The following NRXN1 variants were observed in gnomAD, a reference collection of about 807,000 sequenced individuals.
The protein encoded by NRXN1 is neurexin 1, also known as neurexin-1.
A neutral mutation model predicts 150.9 loss-of-function variants in NRXN1; 39 were observed. The ratio of observed to expected loss-of-function variants is 0.26; its 90% CI spans 0.20 to 0.34. NRXN1 has a LOEUF of 0.34. Among genes scored for constraint, NRXN1 ranks in the 10% least tolerant of loss-of-function variants. The pLI, the probability that NRXN1 is intolerant of heterozygous loss-of-function variation, is 1.00. For missense variants in NRXN1, 1,815 were observed against 1,949.9 expected (o/e 0.93, Z 1.30); for synonymous variants, 924 against 757.0 (o/e 1.22, Z -3.62).
At chr2:50,746,026 T>G (rs1559202315) in intron 5 of NRXN1, among the ~76,000 whole-genome samples, 1 of 152,166 alleles carries the variant, frequency 6.6e-6, no homozygotes. Context: ...CATAGCAGCA[T>G]CTAGCAGTGA....
intron 5 of NRXN1, among the ~76,000 whole-genome samples, chr2:50,816,769 C>T (rs1320323922): frequency 6.6e-6 from 1 of 152,066 alleles, no homozygotes; most frequent in Non-Finnish European, 1.5e-5. Context: ...CTGTATCCTA[C>T]GGAGAGCCTG....
intron 17 of NRXN1, among the ~76,000 whole-genome samples, chr2:50,398,834 T>C (rs1193987861): frequency 6.6e-6 from 1 of 152,176 alleles, no homozygotes; most frequent in African/African-American, 2.4e-5. Flanking sequence ...AAAAGTGGTA[T>C]GCTATTTAAT....
chr2:50,026,930 G>T (rs1185145850), intron 21 of NRXN1, among the ~76,000 whole-genome samples: 18 of 125,784 alleles, frequency 1.4e-4, no homozygotes, highest in African/African-American at 5.6e-4. Flanking sequence ...ACCCAGGCTG[G>T]AGTGCCAGTG....
chr2:50,123,399 A>G (rs763204228), intron 18 of NRXN1, among the ~76,000 whole-genome samples: 81 of 152,202 alleles, frequency 5.3e-4, no homozygotes, highest in Non-Finnish European at 7.6e-4. Flanking sequence ...GTGAAAGCAA[A>G]CATGGTATTT....
intron 5 of NRXN1, among the ~76,000 whole-genome samples, chr2:50,689,713 G>C (rs967361776): frequency 6.6e-6 from 1 of 152,070 alleles, no homozygotes; most frequent in African/African-American, 2.4e-5. Flanking sequence ...GTCCAATGTA[G>C]GAAACAAATT....
chr2:50,342,979 GTC>G, intron 17 of NRXN1, among the ~76,000 whole-genome samples: 2 of 152,336 alleles, frequency 1.3e-5, no homozygotes, highest in South Asian at 4.1e-4. Context: ...TACTGAAAGT[GTC>G]TCAGAAACAG....
chr2:50,422,137 A>C (rs561950488), intron 17 of NRXN1, among the ~76,000 whole-genome samples: 2 of 152,208 alleles, frequency 1.3e-5, no homozygotes, highest in Admixed American at 6.6e-5. Flanking sequence ...GCTATAAAAT[A>C]AAAAGTATAA....
Position 51,027,608 on chromosome 2 carries a change from C to A in NRXN1, c.666G>T (p.Glu222Asp). 6.3e-7 allele frequency: 1 copy of A among 1,594,956 alleles called. No homozygotes were observed. Among genetic ancestry groups the A allele is most frequent in the Non-Finnish European group, 8.5e-7 (1 of 1,171,066 alleles). The change falls in exon 2 of 23, where the codon GAG becomes GAT. Residue 222 changes from glutamate to aspartate, a missense_variant. Around this residue, in one of 6 missense-constraint regions of NRXN1, gnomAD observed 554 missense variants for 478.8 expected, o/e 1.16. Transcript: ENST00000401669. The stretch of plus-strand genomic sequence containing the variant: ...CGTTGAGGCACACCCCGCCCTCGCC[C>A]TCCTCGCCCGCCTCGCACGGGCTTC... ...GGGSPCEAGE[E>D]GEGGVCLNGG...
intron 2 of NRXN1, among the ~76,000 whole-genome samples, chr2:51,008,501 TGA>T (rs1353272032): frequency 6.6e-6 from 1 of 151,920 alleles, no homozygotes; most frequent in African/African-American, 2.4e-5. Flanking sequence ...GAGAATTAAG[TGA>T]GATAATAATC....
chr2:49,998,468 A>G (rs1378988776), intron 21 of NRXN1, among the ~76,000 whole-genome samples: 1 of 152,132 alleles, frequency 6.6e-6, no homozygotes, highest in East Asian at 1.9e-4. Flanking sequence ...ATATTTTTTT[A>G]GAAACGTCAA....
Position 50,752,205 on chromosome 2 carries a change from CA to C in NRXN1, c.833-128591del, listed in dbSNP as rs796474186. On this transcript the variant is annotated intron_variant, in intron 5 of 22. Transcript: ENST00000401669. The stretch of plus-strand genomic sequence containing the variant: ...AGTGGGTAAAAGAGCATCTAGTCCT[CA>C]AAAAAAAATTCTTTGGCCTGCCTAT... 1.1e-4 allele frequency among the ~76,000 whole-genome samples: 16 copies of C among 151,264 alleles called. 1 individual carries two copies. Among genetic ancestry groups the C allele is most frequent in the Admixed American group, 4.0e-4 (6 of 15,138 alleles).
intron 2 of NRXN1, among the ~76,000 whole-genome samples, chr2:50,957,470 T>C (rs537664057): frequency 7.5e-4 from 114 of 152,264 alleles, no homozygotes; most frequent in African/African-American, 2.6e-3. Context: ...TGCAGCTAAA[T>C]ATCCTGCAAT....
At chr2:50,822,812 T>C (rs182793162) in intron 5 of NRXN1, among the ~76,000 whole-genome samples, 165 of 152,292 alleles carry the variant, frequency 1.1e-3, no homozygotes, top group African/African-American at 3.9e-3. Context: ...TAAGGGTCTG[T>C]CAATCCAGCT....
At chr2:50,283,106 C>T (rs2071674098) in intron 17 of NRXN1, among the ~76,000 whole-genome samples, 1 of 152,150 alleles carries the variant, frequency 6.6e-6, no homozygotes, top group Admixed American at 6.5e-5. Flanking sequence ...GATTGTCAAG[C>T]TCCCATGCCT....
At chr2:50,225,401 A>G (rs2064274338) in intron 18 of NRXN1, among the ~76,000 whole-genome samples, 1 of 152,012 alleles carries the variant, frequency 6.6e-6, no homozygotes, top group South Asian at 2.1e-4. Flanking sequence ...GATACATAGT[A>G]TTATACATTG....
chr2:51,026,664 C>A (rs909737018), intron 2 of NRXN1, among the ~76,000 whole-genome samples: 1 of 152,164 alleles, frequency 6.6e-6, no homozygotes, highest in Non-Finnish European at 1.5e-5. Context: ...CTTCCCAATC[C>A]AGCAACATCT....
At chr2:49,936,305 C>G (rs1349696151) in intron 22 of NRXN1, among the ~76,000 whole-genome samples, 1 of 152,196 alleles carries the variant, frequency 6.6e-6, no homozygotes, top group Non-Finnish European at 1.5e-5. Flanking sequence ...TGATTTTTTA[C>G]TCAGATCAAA....
chr2:50,079,776 C>T (rs1038887136), intron 19 of NRXN1, among the ~76,000 whole-genome samples: 2 of 151,648 alleles, frequency 1.3e-5, no homozygotes, highest in African/African-American at 2.4e-5. Flanking sequence ...GTAAGAGGAG[C>T]GAAAGAGAAA....
chr2:50,552,543 G>C (rs777074446), intron 9 of NRXN1, 44 bp downstream of exon 9: 3 of 1,435,174 alleles, frequency 2.1e-6, no homozygotes, highest in Non-Finnish European at 2.9e-6. Context: ...TGGGTGGGTG[G>C]GGTGCTCCAG....
Sources: allele counts gnomAD v4.1 joint callset (sites outside exome capture counted in the v4.1 genomes callset), GRCh38; gene constraint gnomAD v4.1.1; regional missense constraint gnomAD v4.1.1; transcripts MANE v1.5; gene names NCBI Gene and HGNC (gene_info 2026-07-23, HGNC 2026-07-21).